Variants in CFAP58 observed in about 807,000 individuals in gnomAD.
CFAP58 encodes the protein cilia- and flagella-associated protein 58.
In CFAP58, 88 loss-of-function variants were observed where a neutral mutation model predicts 119.5. The observed-to-expected ratio is 0.74, with a 90% CI of 0.62 to 0.88. The LOEUF (loss-of-function observed/expected upper bound fraction) is 0.88, where lower values mean the gene tolerates loss of function less well. CFAP58 is among the 40% of genes least tolerant of loss of function. The pLI, the probability that CFAP58 is intolerant of heterozygous loss-of-function variation, is 0.00. For synonymous variants in CFAP58, 365 were observed against 366.3 expected (o/e 1.00, Z 0.04); for missense variants, 990 against 1,021.2 (o/e 0.97, Z 0.42).
chr10:104,409,826 T>G (rs1371823632), intron 15 of CFAP58, among the ~76,000 whole-genome samples: 1 of 151,890 alleles, frequency 6.6e-6, no homozygotes, highest in Non-Finnish European at 1.5e-5. Context: ...GGTGTCTTTG[T>G]ACTTTAGGAA....
chr10:104,342,993 G>A, the CFAP58 span, among the ~76,000 whole-genome samples: 6 of 152,020 alleles, frequency 3.9e-5, no homozygotes. Flanking sequence ...CCCCATCTGT[G>A]GTTATTCCAG....
At chr10:104,411,535 C>A (rs950133862) in intron 15 of CFAP58, among the ~76,000 whole-genome samples, 33 of 152,212 alleles carry the variant, frequency 2.2e-4, no homozygotes, top group African/African-American at 7.9e-4. Context: ...ATTGTGAACT[C>A]ATTTTCAGAA....
intron 12 of CFAP58, 46 bp downstream of exon 12, chr10:104,399,546 G>A (rs747821982): frequency 3.1e-6 from 5 of 1,594,828 alleles, no homozygotes; most frequent in Non-Finnish European, 4.3e-6. Flanking sequence ...CAACAGACAC[G>A]GGTATTTAAT....
chr10:104,443,749 C>G (rs1589938338), intron 15 of CFAP58, among the ~76,000 whole-genome samples: 1 of 152,232 alleles, frequency 6.6e-6, no homozygotes, highest in East Asian at 1.9e-4. Context: ...TGAATTGTAC[C>G]TGGAGTAGCA....
At chr10:104,418,364 T>C (rs927398263) in intron 15 of CFAP58, among the ~76,000 whole-genome samples, 29 of 152,204 alleles carry the variant, frequency 1.9e-4, no homozygotes, top group Admixed American at 3.3e-4. Flanking sequence ...CTGGCTAACA[T>C]GGTGAAACCC....
intron 7 of CFAP58, 68 bp downstream of exon 7, chr10:104,371,122 A>G (rs1452230723): frequency 7.5e-6 from 11 of 1,458,410 alleles, no homozygotes; most frequent in Non-Finnish European, 1.9e-6. Context: ...CTTGTAACCC[A>G]GGGCTCCATG....
At chr10:104,403,497 C>T (rs2012302963) in intron 13 of CFAP58, among the ~76,000 whole-genome samples, 1 of 146,118 alleles carries the variant, frequency 6.8e-6, no homozygotes, top group South Asian at 2.1e-4. Context: ...GACTCTGACT[C>T]TGAAGCCCTG....
At chr10:104,408,676 A>G (rs1393343331) in intron 15 of CFAP58, among the ~76,000 whole-genome samples, 1 of 152,138 alleles carries the variant, frequency 6.6e-6, no homozygotes, top group African/African-American at 2.4e-5. Context: ...CTCTAACTTT[A>G]TTATTTCCTT....
chr10:104,356,417 T>C (rs917235668), intron 1 of CFAP58, among the ~76,000 whole-genome samples: 1 of 152,228 alleles, frequency 6.6e-6, no homozygotes, highest in Non-Finnish European at 1.5e-5. Flanking sequence ...CTACAGATTG[T>C]TTCAGTTGGT....
intron 1 of CFAP58, among the ~76,000 whole-genome samples, chr10:104,356,994 G>T (rs1258379238): frequency 6.6e-6 from 1 of 152,166 alleles, no homozygotes; most frequent in African/African-American, 2.4e-5. Context: ...AGGTGGATTT[G>T]TTTGCTAGAG....
chr10:104,357,740 T>C (rs1331138695), intron 1 of CFAP58, among the ~76,000 whole-genome samples: 1 of 151,906 alleles, frequency 6.6e-6, no homozygotes, highest in Admixed American at 6.6e-5. Flanking sequence ...TATATATATG[T>C]AATGTGTATA....
chr10:104,444,516 G>T (rs754877288), intron 15 of CFAP58, among the ~76,000 whole-genome samples: 1 of 152,198 alleles, frequency 6.6e-6, no homozygotes, highest in Non-Finnish European at 1.5e-5. Flanking sequence ...TGAAGAGCTT[G>T]GTTGGCCCTT....
intron 15 of CFAP58, among the ~76,000 whole-genome samples, chr10:104,427,915 T>C (rs2012775967): frequency 6.6e-6 from 1 of 152,096 alleles, no homozygotes; most frequent in Non-Finnish European, 1.5e-5. Flanking sequence ...GTCTTTGGCT[T>C]TTTCCTGAAG....
intron 15 of CFAP58, among the ~76,000 whole-genome samples, chr10:104,412,691 C>T (rs1168172047): frequency 6.6e-6 from 1 of 152,134 alleles, no homozygotes; most frequent in Non-Finnish European, 1.5e-5. Flanking sequence ...TGGTGATAGA[C>T]AGACCCCATC....
chr10:104,395,370 C>A (rs1415120216), intron 11 of CFAP58, among the ~76,000 whole-genome samples: 1 of 152,186 alleles, frequency 6.6e-6, no homozygotes, highest in East Asian at 1.9e-4. Flanking sequence ...AATGGAGAAT[C>A]CCAGGTCTGG....
intron 15 of CFAP58, among the ~76,000 whole-genome samples, chr10:104,434,096 C>T (rs183478858): frequency 1.1e-3 from 165 of 152,336 alleles, no homozygotes; most frequent in African/African-American, 3.8e-3. Context: ...ATTACTTAGC[C>T]TCACTCAGCC....
At chr10:104,441,456 T>C (rs2013036182) in intron 15 of CFAP58, among the ~76,000 whole-genome samples, 1 of 152,220 alleles carries the variant, frequency 6.6e-6, no homozygotes, top group African/African-American at 2.4e-5. Flanking sequence ...TGCAAATTCT[T>C]CACATGGATT....
At chr10:104,384,448 C>T (rs775375489) in intron 9 of CFAP58, among the ~76,000 whole-genome samples, 32 of 151,968 alleles carry the variant, frequency 2.1e-4, no homozygotes, top group Non-Finnish European at 4.4e-4. Context: ...TGCTCAAGAA[C>T]GAATAAAGAA....
At chr10:104,356,848 T>A (rs17754804) in intron 1 of CFAP58, among the ~76,000 whole-genome samples, 31,515 of 152,250 alleles carry the variant, frequency 0.21, 3,766 homozygotes, top group Middle Eastern at 0.33. Flanking sequence ...ACTCATCTTG[T>A]GGATAAGCTG....
Sources: gnomAD v4.1 joint callset for allele counts (sites outside exome capture counted in the v4.1 genomes callset) on GRCh38, gnomAD v4.1.1 for gene constraint, MANE v1.5 for transcripts, NCBI Gene and HGNC (gene_info 2026-07-23, HGNC 2026-07-21) for gene names.